The following ZNF385B variants were observed in gnomAD, a reference collection of about 807,000 sequenced individuals.
ZNF385B encodes the protein zinc finger protein 385B, also known as zinc finger protein 533.
ZNF385B carries 23 observed loss-of-function variants against 39.2 expected under a neutral mutation model. That is an observed-to-expected ratio of 0.59 (90% CI 0.42 to 0.83). ZNF385B has a LOEUF of 0.83. Ranked by LOEUF, ZNF385B falls within the 40% of genes least tolerant of loss-of-function variation. ZNF385B has a pLI of 0.00. For missense variants in ZNF385B, 552 were observed against 598.9 expected, an observed-to-expected ratio of 0.92 and a Z score of 0.82; for synonymous variants, 205 against 222.6, an observed-to-expected ratio of 0.92 and a Z score of 0.70.
intron 6 of ZNF385B, among the ~76,000 whole-genome samples, chr2:179,477,648 C>T (rs1272108996): frequency 6.6e-6 from 1 of 152,138 alleles, no homozygotes; most frequent in Non-Finnish European, 1.5e-5. Flanking sequence ...TGCTGCAATG[C>T]CCTGTCTCAG....
rs1420842226 is a variant in ZNF385B, at chr2:179,761,756, C to CTT, written c.298+7745_298+7746dup. On this transcript the variant is annotated intron_variant, in intron 3 of 9. Transcript: ENST00000410066. ...ACCATGCCTGGCTAACATTTTTTTTCTTTTCTTTTTTTTTTTTTTTTTTTT... is the reference window on the plus strand; with the variant it reads ...ACCATGCCTGGCTAACATTTTTTTTCTTTTTTCTTTTTTTTTTTTTTTTTTTT... Among the ~76,000 whole-genome samples, 456 of 109,436 alleles carry CTT rather than the reference C, an allele frequency of 4.2e-3. 1 individual carries two copies. The highest frequency in any genetic ancestry group is 5.8e-3 in the Non-Finnish European group (306 of 53,054). 71.8% of individuals were successfully genotyped at this position (109,436 alleles called of 152,430 possible).
chr2:179,445,525 T>G (rs772434953), intron 8 of ZNF385B, 25 bp downstream of exon 8: 1 of 1,593,662 alleles, frequency 6.3e-7, no homozygotes, highest in Non-Finnish European at 8.5e-7. Flanking sequence ...AAAACAATAA[T>G]GTTTACTAAT....
chr2:179,773,286 C>T (rs1487345831), intron 1 of ZNF385B, among the ~76,000 whole-genome samples: 2 of 152,160 alleles, frequency 1.3e-5, no homozygotes, highest in Non-Finnish European at 2.9e-5. Flanking sequence ...CAAGAAACTG[C>T]CTCCCTTCTA....
chr2:179,561,909 G>A (rs1559482291), intron 3 of ZNF385B, among the ~76,000 whole-genome samples: 1 of 152,128 alleles, frequency 6.6e-6, no homozygotes, highest in Non-Finnish European at 1.5e-5. Flanking sequence ...CATGTGACAA[G>A]AGTGCAAATC....
At chr2:179,708,254 G>C (rs750842379) in intron 3 of ZNF385B, among the ~76,000 whole-genome samples, 8 of 152,180 alleles carry the variant, frequency 5.3e-5, no homozygotes, top group Non-Finnish European at 1.0e-4. Flanking sequence ...TCTTGATAGT[G>C]AGTGTTTGAC....
intron 3 of ZNF385B, among the ~76,000 whole-genome samples, chr2:179,573,445 A>G (rs1685458770): frequency 6.6e-6 from 1 of 152,158 alleles, no homozygotes; most frequent in South Asian, 2.1e-4. Context: ...AGAAAAACCA[A>G]AAAAACAAAA....
chr2:179,735,648 A>G (rs1160931094), intron 3 of ZNF385B, among the ~76,000 whole-genome samples: 1 of 149,758 alleles, frequency 6.7e-6, no homozygotes, highest in East Asian at 2.0e-4. Flanking sequence ...TCCAACAATG[A>G]TAGACTGGAT....
At position 179,443,337 on chromosome 2, in the gene ZNF385B, C is replaced by T; in HGVS notation, c.1374G>A (p.Gln458=). 6.2e-7 allele frequency: 1 copy of T among 1,612,428 alleles called. No homozygotes were observed. Among genetic ancestry groups the T allele is most frequent in the Non-Finnish European group, 8.5e-7 (1 of 1,179,412 alleles). The change falls in exon 10 of 10, where the codon CAG becomes CAA. Residue 458 remains glutamine, a synonymous_variant. Transcript: ENST00000410066. ...LPPRPSASLF[Q]APAIPPALLR... is the part of the protein sequence containing the mutation. Reference sequence around the variant, plus strand: ...GAAGAGCTGGAGGAATGGCTGGAGCCTGGAAGAGCGAGGCAGAGGGCCGGG... The same window carrying T: ...GAAGAGCTGGAGGAATGGCTGGAGCTTGGAAGAGCGAGGCAGAGGGCCGGG...
chr2:179,622,859 G>C (rs934476397), intron 3 of ZNF385B, among the ~76,000 whole-genome samples: 2 of 152,118 alleles, frequency 1.3e-5, no homozygotes, highest in Non-Finnish European at 2.9e-5. Context: ...CCTAGCAAAG[G>C]GAGGGACATG....
intron 3 of ZNF385B, among the ~76,000 whole-genome samples, chr2:179,626,416 G>T (rs1466490505): frequency 2.0e-5 from 3 of 152,136 alleles, no homozygotes; most frequent in Admixed American, 2.0e-4. Context: ...TATCTCCTAA[G>T]TATTTGCTCA....
At chr2:179,481,398 T>C (rs1006416444) in intron 6 of ZNF385B, among the ~76,000 whole-genome samples, 1 of 149,720 alleles carries the variant, frequency 6.7e-6, no homozygotes, top group Non-Finnish European at 1.5e-5. Flanking sequence ...TTTTTTTTTC[T>C]ATTTTTTTCT....
intron 3 of ZNF385B, among the ~76,000 whole-genome samples, chr2:179,720,522 G>C (rs1423056544): frequency 7.7e-6 from 1 of 130,622 alleles, no homozygotes. Flanking sequence ...GGGAGGAGGA[G>C]AGGAGGGAAT....
At chr2:179,689,708 T>C (rs1488382416) in intron 3 of ZNF385B, among the ~76,000 whole-genome samples, 1 of 152,110 alleles carries the variant, frequency 6.6e-6, no homozygotes, top group African/African-American at 2.4e-5. Flanking sequence ...CTGCTCTGGT[T>C]TCTCATTGAG....
chr2:179,670,496 A>AAAACAAACAAAC (rs201645132), intron 3 of ZNF385B, among the ~76,000 whole-genome samples: 8,335 of 144,042 alleles, frequency 0.058, 261 homozygotes, highest in Middle Eastern at 0.077. Flanking sequence ...AAAACAAACA[A>AAAACAAACAAAC]AAAAAAATAG....
chr2:179,591,268 G>A (rs1687538431), intron 3 of ZNF385B, among the ~76,000 whole-genome samples: 1 of 151,848 alleles, frequency 6.6e-6, no homozygotes, highest in African/African-American at 2.4e-5. Context: ...TCTGTATAGT[G>A]TGGTTTCAAA....
At chr2:179,506,010 C>T (rs998657899) in intron 5 of ZNF385B, among the ~76,000 whole-genome samples, 1 of 151,952 alleles carries the variant, frequency 6.6e-6, no homozygotes, top group Non-Finnish European at 1.5e-5. Flanking sequence ...AGAGCTTTTT[C>T]AAATTTTTAA....
At chr2:179,513,294 A>C (rs2057823155) in intron 5 of ZNF385B, among the ~76,000 whole-genome samples, 1 of 152,234 alleles carries the variant, frequency 6.6e-6, no homozygotes, top group Non-Finnish European at 1.5e-5. Context: ...CCATTACTAA[A>C]CACTGAGAAC....
At chr2:179,572,099 T>C (rs958188630) in intron 3 of ZNF385B, among the ~76,000 whole-genome samples, 10 of 152,110 alleles carry the variant, frequency 6.6e-5, no homozygotes, top group African/African-American at 2.4e-4. Flanking sequence ...GTCTACCTTC[T>C]TGTTGAACAG....
chr2:179,595,841 C>G (rs963260063), intron 3 of ZNF385B, among the ~76,000 whole-genome samples: 1 of 151,016 alleles, frequency 6.6e-6, no homozygotes, highest in Admixed American at 6.6e-5. Context: ...GAGTGAGACC[C>G]TGTCTAAAAA....
Sources: gnomAD v4.1 joint callset for allele counts (sites outside exome capture counted in the v4.1 genomes callset) on GRCh38, gnomAD v4.1.1 for gene constraint, MANE v1.5 for transcripts, NCBI Gene and HGNC (gene_info 2026-07-23, HGNC 2026-07-21) for gene names.